The following ZNF169 variants were observed in gnomAD, a reference collection of about 807,000 sequenced individuals.
ZNF169 encodes zinc finger protein 169.
ZNF169 carries 11 observed loss-of-function variants against 12.0 expected under a neutral mutation model. The observed-to-expected ratio is 0.92, with a 90% CI of 0.58 to 1.52. The LOEUF (loss-of-function observed/expected upper bound fraction) is 1.52, where lower values mean the gene tolerates loss of function less well. Among genes scored for constraint, ZNF169 ranks in the 40% most tolerant of loss-of-function variants. The pLI, the probability that ZNF169 is intolerant of heterozygous loss-of-function variation, is 0.00. For synonymous variants in ZNF169, 302 were observed against 286.5 expected (o/e 1.05, Z -0.55); for missense variants, 722 against 744.0 (o/e 0.97, Z 0.34).
intron 1 of ZNF169, among the ~76,000 whole-genome samples, chr9:94,272,784 C>T (rs1191893584): frequency 6.6e-6 from 1 of 152,058 alleles, no homozygotes; most frequent in Non-Finnish European, 1.5e-5. Flanking sequence ...TTTGAGGAAC[C>T]TTCATACTGT....
rs553809712 is a variant in ZNF169 at position 94,262,618 on chromosome 9, C to A, written c.-56+3273C>A. Among the ~76,000 whole-genome samples, 6 of 152,026 alleles carry A rather than the reference C, an allele frequency of 3.9e-5. No homozygotes were observed. The South Asian group carries it at 1.2e-3, about 32-fold the overall frequency. ...GGCTACAGGCGTGCGCCACCATGCC[C>A]AGCTAAATTTTTTTGTATTTTTAAT... On this transcript the variant is annotated intron_variant, in intron 1 of 4. Transcript: ENST00000395395.
intron 2 of ZNF169, among the ~76,000 whole-genome samples, chr9:94,283,502 T>C (rs537211253): frequency 6.6e-5 from 10 of 152,192 alleles, no homozygotes; most frequent in Non-Finnish European, 1.3e-4. Context: ...GAATCAACTT[T>C]CGTAAAATTC....
At chr9:94,297,124 T>C (rs1484948855) in intron 4 of ZNF169, among the ~76,000 whole-genome samples, 1 of 152,210 alleles carries the variant, frequency 6.6e-6, no homozygotes, top group East Asian at 1.9e-4. Flanking sequence ...CTTTGTTTTT[T>C]CATATGAATT....
chr9:94,294,494 G>T (rs913994536), intron 4 of ZNF169: 1 of 152,142 alleles, frequency 6.6e-6, no homozygotes, highest in Non-Finnish European at 1.5e-5. Flanking sequence ...TCACAGGCAT[G>T]CATAGCCTCA....
In ZNF169 at chr9:94,286,034, G is replaced by A. The variant is rs149429265; in HGVS notation, c.34-6307G>A. ...CTCAAAAAAAAAAGTATAGCTTACT[G>A]TGCCTAAAGTGCATAAACAATATGG... is the stretch of plus-strand genomic sequence containing the variant. On this transcript the variant is annotated intron_variant, in intron 2 of 4. Transcript: ENST00000395395. 1.7e-3 allele frequency among the ~76,000 whole-genome samples: 265 copies of A among 152,114 alleles called. 8 individuals are homozygous for A. The highest frequency in any genetic ancestry group is 1.2e-3 in the Admixed American group (18 of 15,272).
intron 2 of ZNF169, among the ~76,000 whole-genome samples, chr9:94,284,641 T>C (rs1178379093): frequency 6.6e-6 from 1 of 152,114 alleles, no homozygotes; most frequent in Non-Finnish European, 1.5e-5. Flanking sequence ...AAAAAAATTA[T>C]AACAGCATCA....
chr9:94,274,338 T>C (rs1830484020), intron 1 of ZNF169, among the ~76,000 whole-genome samples: 2 of 152,320 alleles, frequency 1.3e-5, no homozygotes, highest in Admixed American at 6.5e-5. Context: ...ATTTGGTAAG[T>C]TGTAATATGT....
chr9:94,268,544 C>T (rs921373499), intron 1 of ZNF169, among the ~76,000 whole-genome samples: 1 of 151,972 alleles, frequency 6.6e-6, no homozygotes, highest in Admixed American at 6.6e-5. Context: ...AATCCCAGCA[C>T]TTTGGGAGGC....
At chr9:94,271,138 TAGG>T (rs1564083898) in intron 1 of ZNF169, among the ~76,000 whole-genome samples, 4 of 148,254 alleles carry the variant, frequency 2.7e-5, no homozygotes, top group Non-Finnish European at 4.4e-5. Context: ...CACTCTTGCC[TAGG>T]CCAGAATGCA....
At chr9:94,287,713 C>T in intron 2 of ZNF169, 1 of 1,301,708 alleles carries the variant, frequency 7.7e-7, no homozygotes. Flanking sequence ...GCTTGAAATT[C>T]TAGTCCTCAA....
At chr9:94,296,507 A>G (rs556705083) in intron 4 of ZNF169, among the ~76,000 whole-genome samples, 1 of 152,300 alleles carries the variant, frequency 6.6e-6, no homozygotes, top group African/African-American at 2.4e-5. Flanking sequence ...ATTTAGGTCT[A>G]TAAGCCTATT....
chr9:94,296,863 G>A (rs1017011115), intron 4 of ZNF169: 4 of 455,230 alleles, frequency 8.8e-6, no homozygotes, highest in East Asian at 7.0e-5. Context: ...GGCCAACATA[G>A]TGAAACCCCA....
intron 2 of ZNF169, among the ~76,000 whole-genome samples, chr9:94,286,452 C>G (rs1830721377): frequency 6.6e-6 from 1 of 152,080 alleles, no homozygotes; most frequent in Admixed American, 6.6e-5. Flanking sequence ...TGTCCTCACT[C>G]AAATCTCAGG....
rs760872445 is a variant in ZNF169, at chr9:94,292,952, G to C, written c.161-22G>C. ...TAAGCCACTAACTCAAGATCACCTT[G>C]GTTTTTTTTTCCTGTGAGTAGGAAT... On this transcript the variant is annotated intron_variant, in intron 3 of 4. Coordinates refer to ENST00000395395, the MANE Select transcript of ZNF169 (RefSeq NM_194320.4). 5.0e-6 allele frequency: 8 copies of C among 1,592,614 alleles called. No individual in the cohort carries two copies. The African/African-American group carries it at 1.1e-4, about 21-fold the overall frequency.
Position 94,300,666 on chromosome 9 carries a change from G to C in ZNF169, c.1108G>C (p.Gly370Arg). The C allele has an allele frequency of 6.2e-7, 1 of 1,614,058 alleles. No homozygotes were observed. The highest frequency in any genetic ancestry group is 8.5e-7 in the Non-Finnish European group (1 of 1,179,966). Reference sequence around the variant, plus strand: ...CCTCCAGCACCAGAGCTCACACACAGGGGAGAGGCCCTTCCTGTGCCTTGA... The same window carrying C: ...CCTCCAGCACCAGAGCTCACACACACGGGAGAGGCCCTTCCTGTGCCTTGA... ...SLLQHQSSHT[G>R]ERPFLCLECG... is the part of the protein sequence containing the mutation. Residue 370 changes from glycine (G) to arginine (R), a missense_variant, in exon 5 of 5, where the codon GGG (glycine) becomes CGG (arginine). By Grantham distance (125) the Gly-to-Arg change is moderately radical. Transcript: ENST00000395395.
intron 1 of ZNF169, among the ~76,000 whole-genome samples, chr9:94,277,727 CGA>C (rs1323059394): frequency 6.6e-6 from 1 of 151,698 alleles, no homozygotes; most frequent in Non-Finnish European, 1.5e-5. Context: ...GTCAGGAGAT[CGA>C]GACCATCCTG....
In ZNF169 at chr9:94,291,298, C is replaced by T. The variant is rs148658876; in HGVS notation, c.34-1043C>T. Among the ~76,000 whole-genome samples the T allele has an allele frequency of 6.5e-3, 987 of 152,050 alleles. 4 individuals are homozygous for T. Among genetic ancestry groups the T allele is most frequent in the African/African-American group, 0.013 (558 of 41,492 alleles). On this transcript the variant is annotated intron_variant, in intron 2 of 4. Coordinates refer to ENST00000395395, the MANE Select transcript of ZNF169 (RefSeq NM_194320.4). The stretch of plus-strand genomic sequence containing the variant: ...TGAACTCCTGACCTCATGATCCACC[C>T]GCCTTGTCCTCTCAAAGTGCTGGGA...
Position 94,278,779 on chromosome 9 carries a change from C to G in ZNF169, c.-34C>G, listed in dbSNP as rs992222159. 3 of 1,610,006 alleles carry G rather than the reference C, an allele frequency of 1.9e-6. No homozygotes were observed. The highest frequency in any genetic ancestry group is 2.5e-6 in the Non-Finnish European group (3 of 1,178,344). The stretch of plus-strand genomic sequence containing the variant: ...CCAGATTTGCCTCTGCAACTTGACT[C>G]TCCTCTAGGAAGAGTACTCCAGAGA... On this transcript the variant is annotated 5_prime_UTR_variant, in exon 2 of 5. Coordinates refer to ENST00000395395, the MANE Select transcript of ZNF169 (RefSeq NM_194320.4).
intron 3 of ZNF169, 176 bp downstream of exon 3, chr9:94,292,643 G>GCT (rs929552394): frequency 6.3e-6 from 5 of 799,490 alleles, no homozygotes; most frequent in Non-Finnish European, 9.6e-6. Flanking sequence ...GTGTGTGTGC[G>GCT]CGTGCACATG....
Sources: gnomAD v4.1 joint callset for allele counts (sites outside exome capture counted in the v4.1 genomes callset) on GRCh38, gnomAD v4.1.1 for gene constraint, MANE v1.5 for transcripts, NCBI Gene and HGNC (gene_info 2026-07-23, HGNC 2026-07-21) for gene names.